Variants in PACRGL observed in about 807,000 individuals in gnomAD.
The protein encoded by PACRGL is PACRG-like protein.
In PACRGL, 38 loss-of-function variants were observed where a neutral mutation model predicts 34.5. That is an observed-to-expected ratio of 1.10 (90% CI 0.85 to 1.44). PACRGL has a LOEUF of 1.44. Ranked by LOEUF, PACRGL falls within the 40% of genes most tolerant of loss-of-function variation. PACRGL has a pLI of 0.00. For missense variants in PACRGL, 305 were observed against 281.4 expected (o/e 1.08, Z -0.60); for synonymous variants, 128 against 100.1 (o/e 1.28, Z -1.66).
chr4:20,730,277 C>A lies in PACRGL; in HGVS notation c.*2936C>A. The A allele has an allele frequency of 1.0e-6, 1 of 993,462 alleles. No individual in the cohort carries two copies. The highest frequency in any genetic ancestry group is 1.4e-6 in the Non-Finnish European group (1 of 720,722). The allele number at this position is 993,462 out of a possible 1,614,324, so 61.5% of individuals were successfully genotyped here. The stretch of plus-strand genomic sequence containing the variant: ...TATTAAGTGTTTGCAAATGTAAATG[C>A]CATTCTATTCTATCCATTTTCCACA... On this transcript the variant is annotated 3_prime_UTR_variant, in exon 9 of 9. Coordinates refer to ENST00000503585, the MANE Select transcript of PACRGL (RefSeq NM_001258345.3).
chr4:20,750,699 T>G (rs189340216), intron 8 of PACRGL, among the ~76,000 whole-genome samples: 1 of 152,328 alleles, frequency 6.6e-6, no homozygotes, highest in African/African-American at 2.4e-5. Flanking sequence ...TCCTTAGGGT[T>G]TCTTTGCTTG....
chr4:20,763,661 T>C, the PACRGL span, among the ~76,000 whole-genome samples: 1 of 152,174 alleles, frequency 6.6e-6, no homozygotes, highest in Non-Finnish European at 1.5e-5. Flanking sequence ...TGTGGCATGT[T>C]TGAAAGATAC....
rs1249485299 is a variant in PACRGL at position 20,731,358 on chromosome 4, G to C, written c.*4017G>C. ...CATAGTGCTGGGATTACAGTTGTGA[G>C]CTACTGTACCAGGCCTTAACAATTT... On this transcript the variant is annotated 3_prime_UTR_variant, in exon 9 of 9. Coordinates refer to ENST00000503585, the MANE Select transcript of PACRGL (RefSeq NM_001258345.3). 8.2e-6 allele frequency: 8 copies of C among 974,498 alleles called. No homozygotes were observed. Among genetic ancestry groups the C allele is most frequent in the Non-Finnish European group, 8.5e-6 (7 of 819,916 alleles). 60.4% of individuals were successfully genotyped at this position (974,498 alleles called of 1,614,324 possible).
chr4:20,763,761 A>G, the PACRGL span, among the ~76,000 whole-genome samples: 5 of 152,106 alleles, frequency 3.3e-5, no homozygotes, highest in Admixed American at 3.3e-4. Context: ...GGATCTCACT[A>G]TGTTGCCCAG....
chr4:20,760,657 G>A, the PACRGL span, among the ~76,000 whole-genome samples: 1 of 152,124 alleles, frequency 6.6e-6, no homozygotes, highest in Non-Finnish European at 1.5e-5. Context: ...ATTCACAGAG[G>A]CAGAACTGGA....
At chr4:20,720,550 G>T (rs1168282336) in intron 7 of PACRGL, among the ~76,000 whole-genome samples, 2 of 152,168 alleles carry the variant, frequency 1.3e-5, no homozygotes, top group East Asian at 3.9e-4. Context: ...GCATTTGCTT[G>T]TCTGTAAAGG....
At position 20,748,882 on chromosome 4, in the gene PACRGL, A is replaced by ATGTG. The variant is rs139805656; in HGVS notation, c.*57-3673_*57-3670dup. Among the ~76,000 whole-genome samples the ATGTG allele has an allele frequency of 3.8e-3, 543 of 144,406 alleles. 7 individuals carry two copies. The South Asian group carries it at 0.041, about 11-fold the overall frequency. The allele number at this position is 144,406 out of a possible 152,430, so 94.7% of individuals were successfully genotyped here. On this transcript the variant is annotated intron_variant, in intron 8 of 8. Transcript: ENST00000507634. ...TCATATGAATTACGTGTGTGTGTGT[A>ATGTG]TGTGTGTGTGTGTATATATATATAT...
chr4:20,760,103 A>C, the PACRGL span, among the ~76,000 whole-genome samples: 1 of 152,166 alleles, frequency 6.6e-6, no homozygotes, highest in Admixed American at 6.5e-5. Flanking sequence ...CACACTTCCA[A>C]CTAGTGTTGT....
intron 7 of PACRGL, among the ~76,000 whole-genome samples, chr4:20,723,366 A>G (rs946689923): frequency 2.0e-5 from 3 of 151,934 alleles, no homozygotes; most frequent in African/African-American, 4.8e-5. Context: ...ATATAATCTG[A>G]GCAGAAACAG....
downstream of PACRGL, among the ~76,000 whole-genome samples, chr4:20,733,885 T>C (rs560649223): frequency 6.6e-6 from 1 of 152,278 alleles, no homozygotes; most frequent in South Asian, 2.1e-4. Context: ...CTGGCACACT[T>C]GCACCTGTGT....
chr4:20,747,343 T>G (rs1428177075), intron 8 of PACRGL, among the ~76,000 whole-genome samples: 1 of 152,230 alleles, frequency 6.6e-6, no homozygotes, highest in African/African-American at 2.4e-5. Flanking sequence ...AAGTTTATAT[T>G]AGGTGAACTA....
chr4:20,706,524 G>A (rs2149059842), intron 3 of PACRGL, among the ~76,000 whole-genome samples: 2 of 151,970 alleles, frequency 1.3e-5, no homozygotes, highest in South Asian at 4.2e-4. Flanking sequence ...CTAGATGAGT[G>A]AAACATTCCT....
chr4:20,699,243 C>A (rs553187607), upstream of PACRGL, among the ~76,000 whole-genome samples: 67 of 151,762 alleles, frequency 4.4e-4, no homozygotes, highest in African/African-American at 1.5e-3. Flanking sequence ...TTAAAAATTT[C>A]TTTTTCCTTT....
chr4:20,704,398 C>A, intron 1 of PACRGL, 68 bp from the exon 2 acceptor site: 1 of 1,461,978 alleles, frequency 6.8e-7, no homozygotes, highest in Non-Finnish European at 9.4e-7. Context: ...CTGGTTTTGT[C>A]TTTTTATTGA....
chr4:20,723,931 C>T (rs1215433978), intron 7 of PACRGL, among the ~76,000 whole-genome samples: 1 of 152,062 alleles, frequency 6.6e-6, no homozygotes, highest in African/African-American at 2.4e-5. Flanking sequence ...CTATCGGATC[C>T]CCTTCGTCCC....
At chr4:20,735,942 T>C (rs1475473903), downstream of PACRGL, among the ~76,000 whole-genome samples, 1 of 152,232 alleles carries the variant, frequency 6.6e-6, no homozygotes, top group Non-Finnish European at 1.5e-5. Context: ...CCAAAAGTCT[T>C]CTGGGTGAAT....
the PACRGL span, among the ~76,000 whole-genome samples, chr4:20,765,302 C>G: frequency 1.7e-3 from 262 of 152,248 alleles, 2 homozygotes; most frequent in African/African-American, 6.0e-3. Flanking sequence ...AAAACATAGT[C>G]TCCTGGAGAG....
chr4:20,708,310 TA>T (rs201356692), intron 4 of PACRGL, among the ~76,000 whole-genome samples: 1,587 of 149,884 alleles, frequency 0.011, 6 homozygotes, highest in Middle Eastern at 0.024. Flanking sequence ...GTCAGAACTT[TA>T]AAAAAAAAAT....
chr4:20,717,746 A>G (rs1740841931), intron 7 of PACRGL, among the ~76,000 whole-genome samples: 1 of 152,130 alleles, frequency 6.6e-6, no homozygotes, highest in African/African-American at 2.4e-5. Context: ...GCCTTGTAGT[A>G]TAGTTTGAAG....
Sources: allele counts gnomAD v4.1 joint callset (sites outside exome capture counted in the v4.1 genomes callset), GRCh38; gene constraint gnomAD v4.1.1; transcripts MANE v1.5; gene names NCBI Gene and HGNC (gene_info 2026-07-23, HGNC 2026-07-21).